ZKSCAN4: variants seen among roughly 807,000 people sequenced by gnomAD.
The protein encoded by ZKSCAN4 is zinc finger with KRAB and SCAN domains 4, also known as zinc finger protein with KRAB and SCAN domains 4.
A neutral mutation model predicts 30.8 loss-of-function variants in ZKSCAN4; 23 were observed. The observed-to-expected ratio is 0.75, with a 90% CI of 0.54 to 1.06. The LOEUF (loss-of-function observed/expected upper bound fraction) is 1.06. ZKSCAN4 is among the 50% of genes least tolerant of loss of function. ZKSCAN4 has a pLI of 0.00. For missense variants in ZKSCAN4, 556 were observed against 665.4 expected, an observed-to-expected ratio of 0.84 and a Z score of 1.81; for synonymous variants, 208 against 252.5, an observed-to-expected ratio of 0.82 and a Z score of 1.67.
upstream of ZKSCAN4, among the ~76,000 whole-genome samples, chr6:28,256,280 T>C (rs1761172352): frequency 6.6e-6 from 1 of 151,696 alleles, no homozygotes; most frequent in Admixed American, 6.6e-5. Flanking sequence ...AAATCAAAAA[T>C]CAGTTGAGCA....
chr6:28,249,943 A>C lies in ZKSCAN4; in HGVS notation c.424-109T>G. On this transcript the variant is annotated intron_variant, in intron 1 of 4. Coordinates refer to ENST00000377294, the MANE Select transcript of ZKSCAN4 (RefSeq NM_019110.5). The surrounding 1 kb of genome is among the most constrained non-coding windows in gnomAD (Gnocchi z 4.1). Reference sequence around the variant, plus strand: ...CTACAAGCCTTATGATATTAACACAATTAATATAGATAACAACCCTGTGAG... The same window carrying C: ...CTACAAGCCTTATGATATTAACACACTTAATATAGATAACAACCCTGTGAG... 1 of 1,199,940 alleles carries C rather than the reference A, an allele frequency of 8.3e-7. No homozygotes were observed. The highest frequency in any genetic ancestry group is 1.2e-6 in the Non-Finnish European group (1 of 845,206). The allele number at this position is 1,199,940 out of a possible 1,614,324, so 74.3% of individuals were successfully genotyped here.
rs1435568819 is a variant in ZKSCAN4, at chr6:28,249,910, C to T, written c.424-76G>A. 2.0e-6 allele frequency: 3 copies of T among 1,525,360 alleles called. No individual in the cohort carries two copies. The highest frequency in any genetic ancestry group is 2.3e-5 in the East Asian group (1 of 44,346). 94.5% of individuals were successfully genotyped at this position (1,525,360 alleles called of 1,614,324 possible). On this transcript the variant is annotated intron_variant, in intron 1 of 4. Transcript: ENST00000377294. The surrounding 1 kb of genome is among the most constrained non-coding windows in gnomAD (Gnocchi z 4.1). Reference sequence around the variant, plus strand: ...GTGCAAGTGATTTCTATTTTCTAGGCACTGTTTCTACAAGCCTTATGATAT... The same window carrying T: ...GTGCAAGTGATTTCTATTTTCTAGGTACTGTTTCTACAAGCCTTATGATAT...
rs1385446504 is a variant in ZKSCAN4 at position 28,243,487 on chromosome 6, T to G, written c.*1629A>C. The stretch of plus-strand genomic sequence containing the variant: ...TGAGCACTTCGGAAGAAATCAGTCT[T>G]TAAGCATCGCAGGTGATTTGGGTGA... On this transcript the variant is annotated 3_prime_UTR_variant, in exon 5 of 5. Coordinates refer to ENST00000377294, the MANE Select transcript of ZKSCAN4 (RefSeq NM_019110.5). Among the ~76,000 whole-genome samples, 1 of 152,158 alleles carries G rather than the reference T, an allele frequency of 6.6e-6. No homozygotes were observed. The highest frequency in any genetic ancestry group is 1.5e-5 in the Non-Finnish European group (1 of 68,028).
intron 2 of ZKSCAN4, 71 bp from the exon 3 acceptor site, chr6:28,248,220 T>A: frequency 8.4e-7 from 1 of 1,187,138 alleles, no homozygotes; most frequent in Admixed American, 2.3e-5. Flanking sequence ...AAATCCAAGT[T>A]CAAAAACTGG....
chr6:28,256,723 G>T (rs1326806919), upstream of ZKSCAN4, among the ~76,000 whole-genome samples: 2 of 152,148 alleles, frequency 1.3e-5, no homozygotes, highest in African/African-American at 2.4e-5. Flanking sequence ...GGTATGGTAG[G>T]CATTTATTTT....
rs763156155 is a variant in ZKSCAN4, at chr6:28,245,361, C to G, written c.1393G>C (p.Gly465Arg). 6.2e-7 allele frequency: 1 copy of G among 1,614,214 alleles called. No homozygotes were observed. Among genetic ancestry groups the G allele is most frequent in the Non-Finnish European group, 8.5e-7 (1 of 1,180,036 alleles). Residue 465 changes from glycine to arginine, a missense_variant, in exon 5 of 5, where the codon GGG (glycine) becomes CGG (arginine). This residue lies in a region of ZKSCAN4 where 433 missense variants were observed against 511.5 expected (regional missense o/e 0.85). Transcript: ENST00000377294. Reference protein sequence around the residue: ...GDKNVQNPEHGESWESQGRTE... With the variant: ...GDKNVQNPEHRESWESQGRTE... ...CTACCCTGACTTTCCCAGGACTCCC[C>G]GTGCTCAGGATTCTGAACATTTTTA...
intron 3 of ZKSCAN4, among the ~76,000 whole-genome samples, chr6:28,247,456 C>T (rs1561858797): frequency 6.6e-6 from 1 of 151,424 alleles, no homozygotes; most frequent in African/African-American, 2.4e-5. Flanking sequence ...TTCAAAAATA[C>T]AATGAAATCT....
chr6:28,257,390 G>A, the ZKSCAN4 span, among the ~76,000 whole-genome samples: 8 of 152,138 alleles, frequency 5.3e-5, no homozygotes, highest in South Asian at 4.1e-4. Flanking sequence ...GGCCTGTGGG[G>A]GGTGGAGGAT....
In ZKSCAN4 at chr6:28,242,409, AAAG is replaced by A. The variant is rs1760527389; in HGVS notation, c.*2704_*2706del. On this transcript the variant is annotated 3_prime_UTR_variant, in exon 5 of 5. Coordinates refer to ENST00000377294, the MANE Select transcript of ZKSCAN4 (RefSeq NM_019110.5). ...TTTGATATTATATAATACACCAGAT[AAAG>A]TTTCCTAGATAATATTTTGATTATA... 6.6e-6 allele frequency among the ~76,000 whole-genome samples: 1 copy of A among 152,200 alleles called. No homozygotes were observed. Among genetic ancestry groups the A allele is most frequent in the South Asian group, 2.1e-4 (1 of 4,836 alleles).
upstream of ZKSCAN4, among the ~76,000 whole-genome samples, chr6:28,253,405 A>G (rs988515757): frequency 1.3e-5 from 2 of 152,270 alleles, no homozygotes; most frequent in Admixed American, 1.3e-4. This position sits in a 1 kb window ranked among gnomAD's most constrained non-coding sequence, Gnocchi z 4.2. Flanking sequence ...ATAACTTAAG[A>G]AAATGAGAAG....
chr6:28,245,019 T>C lies in ZKSCAN4; in HGVS notation c.*97A>G, dbSNP rs761345933. On this transcript the variant is annotated 3_prime_UTR_variant, in exon 5 of 5. Transcript: ENST00000377294. Reference sequence around the variant, plus strand: ...ATACCCGATGATGTATAGTGGTAAATAAAGCCCTGGTCCACAATTTCTGTA... The same window carrying C: ...ATACCCGATGATGTATAGTGGTAAACAAAGCCCTGGTCCACAATTTCTGTA... The C allele has an allele frequency of 8.1e-6, 12 of 1,486,138 alleles. No individual in the cohort carries two copies. Among genetic ancestry groups the C allele is most frequent in the Non-Finnish European group, 1.0e-5 (11 of 1,066,722 alleles). 92.1% of individuals were successfully genotyped at this position (1,486,138 alleles called of 1,614,324 possible).
At position 28,245,285 on chromosome 6, in the gene ZKSCAN4, T is replaced by G; in HGVS notation, c.1469A>C (p.Asn490Thr). 6.2e-7 allele frequency: 1 copy of G among 1,614,028 alleles called. No homozygotes were observed. The highest frequency in any genetic ancestry group is 8.5e-7 in the Non-Finnish European group (1 of 1,180,008). The part of the protein sequence containing the change: ...NTEAPVSYKC[N>T]ECERSFTRNR... ...CCGTGTGAAACTTCTCTCACACTCA[T>G]TACATTTATAAGACACGGGAGCCTC... The change falls in exon 5 of 5, where the codon AAT (asparagine) becomes ACT (threonine). Residue 490 changes from asparagine (N) to threonine (T), a missense_variant. Transcript: ENST00000377294.
Position 28,249,555 on chromosome 6 carries a change from T to A in ZKSCAN4, c.571+132A>T. The A allele has an allele frequency of 9.2e-7, 1 of 1,087,916 alleles. No individual in the cohort carries two copies. The allele number at this position is 1,087,916 out of a possible 1,614,324, so 67.4% of individuals were successfully genotyped here. On this transcript the variant is annotated intron_variant, in intron 2 of 4. Coordinates refer to ENST00000377294, the MANE Select transcript of ZKSCAN4 (RefSeq NM_019110.5). The surrounding 1 kb of genome is among the most constrained non-coding windows in gnomAD (Gnocchi z 4.1). ...TTTTCACCATTGTTTGAAATTTCTCTTAGTCTCAGTCTTAAAATACAGCTC... is the reference window on the plus strand; with the variant it reads ...TTTTCACCATTGTTTGAAATTTCTCATAGTCTCAGTCTTAAAATACAGCTC...
At position 28,245,530 on chromosome 6, in the gene ZKSCAN4, G is replaced by A; in HGVS notation, c.1224C>T (p.Asp408=). Residue 408 remains aspartate, a synonymous_variant, in exon 5 of 5, where the codon GAC becomes GAT. Coordinates refer to ENST00000377294, the MANE Select transcript of ZKSCAN4 (RefSeq NM_019110.5). The stretch of plus-strand genomic sequence containing the variant: ...AGCTCTGGCTGAAGGTCTTCCCACA[G>A]TCATCACACTCATAGGGCTTCTCCC... ...HTGEKPYECD[D]CGKTFSQSCS... 1.2e-6 allele frequency: 2 copies of A among 1,614,084 alleles called. No homozygotes were observed. Among genetic ancestry groups the A allele is most frequent in the Non-Finnish European group, 1.7e-6 (2 of 1,180,008 alleles).
At position 28,243,342 on chromosome 6, in the gene ZKSCAN4, G is replaced by T. The variant is rs1760567163; in HGVS notation, c.*1774C>A. Among the ~76,000 whole-genome samples the T allele has an allele frequency of 6.6e-6, 1 of 152,158 alleles. No individual in the cohort carries two copies. The highest frequency in any genetic ancestry group is 1.5e-5 in the Non-Finnish European group (1 of 68,026). Reference sequence around the variant, plus strand: ...ATTTCAGAGGAGAAATCCAGAAAGGGTATTTGAGGATAGACAAGAACACGA... The same window carrying T: ...ATTTCAGAGGAGAAATCCAGAAAGGTTATTTGAGGATAGACAAGAACACGA... On this transcript the variant is annotated 3_prime_UTR_variant, in exon 5 of 5. Coordinates refer to ENST00000377294, the MANE Select transcript of ZKSCAN4 (RefSeq NM_019110.5).
Position 28,242,910 on chromosome 6 carries a change from C to T in ZKSCAN4, c.*2206G>A, listed in dbSNP as rs967005. On this transcript the variant is annotated 3_prime_UTR_variant, in exon 5 of 5. Transcript: ENST00000377294. ...AGGAGTGAAAGGAGGCACAGTGGTC[C>T]TTAGTTAATCTCAGGAAGTTATATT... Among the ~76,000 whole-genome samples, 31,073 of 152,142 alleles carry T rather than the reference C, an allele frequency of 0.2. 3,604 individuals are homozygous for T. Among genetic ancestry groups the T allele is most frequent in the African/African-American group, 0.3 (12,630 of 41,468 alleles).
At chr6:28,250,537 C>T (rs1760950635) in intron 1 of ZKSCAN4, among the ~76,000 whole-genome samples, 1 of 104,004 alleles carries the variant, frequency 9.6e-6, no homozygotes, top group Non-Finnish European at 1.7e-5. Flanking sequence ...GACACTGGTG[C>T]TAAATTCTCA....
upstream of ZKSCAN4, among the ~76,000 whole-genome samples, chr6:28,253,626 C>G (rs559283953): frequency 6.6e-5 from 10 of 152,188 alleles, no homozygotes; most frequent in Non-Finnish European, 1.2e-4. This position sits in a 1 kb window ranked among gnomAD's most constrained non-coding sequence, Gnocchi z 4.2. Flanking sequence ...TTTAAAACAT[C>G]CTGATACCTA....
chr6:28,258,981 A>G, the ZKSCAN4 span, among the ~76,000 whole-genome samples: 1 of 152,142 alleles, frequency 6.6e-6, no homozygotes, highest in Non-Finnish European at 1.5e-5. Context: ...GATCTTCCAC[A>G]GAGGGGTAAA....
Sources: allele counts gnomAD v4.1 joint callset (sites outside exome capture counted in the v4.1 genomes callset), GRCh38; gene constraint gnomAD v4.1.1; regional missense constraint gnomAD v4.1.1; non-coding constraint Gnocchi (gnomAD v3.1); transcripts MANE v1.5; gene names NCBI Gene and HGNC (gene_info 2026-07-23, HGNC 2026-07-21).